FCHSD2: variants seen among roughly 807,000 people sequenced by gnomAD.
The protein encoded by FCHSD2 is FCH and double SH3 domains 2.
In FCHSD2, 38 loss-of-function variants were observed where a neutral mutation model predicts 108.1. The ratio of observed to expected loss-of-function variants is 0.35; its 90% CI spans 0.27 to 0.46. FCHSD2 has a LOEUF of 0.46. Ranked by LOEUF, FCHSD2 falls within the 20% of genes least tolerant of loss-of-function variation. The pLI, the probability that FCHSD2 is intolerant of heterozygous loss-of-function variation, is 1.00. For synonymous variants in FCHSD2, 279 were observed against 314.7 expected, an observed-to-expected ratio of 0.89 and a Z score of 1.20; for missense variants, 751 against 897.8, an observed-to-expected ratio of 0.84 and a Z score of 2.09.
rs754893363 is a variant in FCHSD2, at chr11:72,849,871, T to C, written c.1327A>G (p.Arg443Gly). 1.9e-6 allele frequency: 3 copies of C among 1,613,638 alleles called. No homozygotes were observed. Among genetic ancestry groups the C allele is most frequent in the Middle Eastern group, 1.6e-4 (1 of 6,062 alleles). Residue 443 changes from arginine to glycine, a missense_variant, in exon 14 of 20, where the codon AGA (arginine) becomes GGA (glycine). Coordinates refer to ENST00000409418, the MANE Select transcript of FCHSD2 (RefSeq NM_014824.3). Reference sequence around the variant, plus strand: ...TCTTCAAACTCTTCGCCTTCTTCTCTTTCGGTATCTGCATTAAGCTAAGAA... The same window carrying C: ...TCTTCAAACTCTTCGCCTTCTTCTCCTTCGGTATCTGCATTAAGCTAAGAA... ...TLHSLNADTE[R>G]EEGEEFEDNM... is the part of the protein sequence containing the mutation.
At chr11:73,084,013 GGAT>G (rs963557443) in intron 2 of FCHSD2, among the ~76,000 whole-genome samples, 1 of 151,910 alleles carries the variant, frequency 6.6e-6, no homozygotes, top group Non-Finnish European at 1.5e-5. Context: ...GCTAAAATGG[GGAT>G]AATAACAGTA....
At chr11:72,915,024 A>G (rs1412454826) in intron 9 of FCHSD2, among the ~76,000 whole-genome samples, 1 of 137,742 alleles carries the variant, frequency 7.3e-6, no homozygotes, top group Non-Finnish European at 1.5e-5. Context: ...CCCAGCATCT[A>G]TAAGGAACTT....
At chr11:73,024,108 A>T (rs2135442847) in intron 3 of FCHSD2, among the ~76,000 whole-genome samples, 1 of 152,296 alleles carries the variant, frequency 6.6e-6, no homozygotes, top group Non-Finnish European at 1.5e-5. Context: ...AAGAACTTTG[A>T]CAATACCCAC....
At chr11:72,885,585 T>C (rs1565305658) in intron 12 of FCHSD2, among the ~76,000 whole-genome samples, 1 of 152,134 alleles carries the variant, frequency 6.6e-6, no homozygotes, top group Non-Finnish European at 1.5e-5. Flanking sequence ...CAGTCGGTGA[T>C]ACCATGCATG....
intron 3 of FCHSD2, among the ~76,000 whole-genome samples, chr11:73,034,893 A>C (rs990364737): frequency 3.3e-5 from 5 of 152,306 alleles, no homozygotes; most frequent in Admixed American, 2.6e-4. Flanking sequence ...ACAACTGAAA[A>C]TCCTCTGGGT....
rs191547534 is a variant in FCHSD2 at position 72,974,840 on chromosome 11, A to G, written c.705+9248T>C. On this transcript the variant is annotated intron_variant, in intron 8 of 19. Coordinates refer to ENST00000409418, the MANE Select transcript of FCHSD2 (RefSeq NM_014824.3). ...AAAGGATATAAAGCAAGAGAAGCAG[A>G]GATTTAACAGAATTAAAGCAGAATT... Among the ~76,000 whole-genome samples, 49 of 152,318 alleles carry G rather than the reference A, an allele frequency of 3.2e-4. No homozygotes were observed. The East Asian group carries it at 7.5e-3, about 23-fold the overall frequency.
At chr11:72,980,700 GTATGTATGTATATA>G (rs1857198345) in intron 8 of FCHSD2, among the ~76,000 whole-genome samples, 1 of 146,480 alleles carries the variant, frequency 6.8e-6, no homozygotes, top group Admixed American at 6.8e-5. Flanking sequence ...TATATATAAT[GTATGTATGTATATA>G]TATGTATGTG....
chr11:72,860,945 T>C (rs1861557467), intron 13 of FCHSD2, among the ~76,000 whole-genome samples: 2 of 152,124 alleles, frequency 1.3e-5, no homozygotes, highest in African/African-American at 2.4e-5. Context: ...AATGCCAATA[T>C]TCAAAAAGAA....
intron 10 of FCHSD2, among the ~76,000 whole-genome samples, chr11:72,896,764 T>TAAAAAAAAAA (rs58159831): frequency 1.2e-3 from 80 of 68,374 alleles, no homozygotes; most frequent in Non-Finnish European, 1.6e-3. Context: ...GGGAAAATAC[T>TAAAAAAAAAA]AAAAAAAAAA....
At chr11:72,985,155 C>A (rs1346140510) in intron 6 of FCHSD2, 39 bp from the exon 7 acceptor site, 4 of 558,152 alleles carry the variant, frequency 7.2e-6, no homozygotes, top group Non-Finnish European at 6.1e-6. Flanking sequence ...ATAAAATCAT[C>A]TAATTATATC....
At chr11:72,950,928 G>A (rs1026735359) in intron 8 of FCHSD2, among the ~76,000 whole-genome samples, 7 of 152,166 alleles carry the variant, frequency 4.6e-5, no homozygotes, top group Non-Finnish European at 8.8e-5. Flanking sequence ...CTAATTCAGT[G>A]TGAACAGAAG....
chr11:73,100,109 A>T (rs1860186535), intron 2 of FCHSD2, among the ~76,000 whole-genome samples: 1 of 151,902 alleles, frequency 6.6e-6, no homozygotes, highest in Non-Finnish European at 1.5e-5. Flanking sequence ...CACCCCGCTA[A>T]TCCTCACTGG....
intron 2 of FCHSD2, among the ~76,000 whole-genome samples, chr11:73,102,581 A>C (rs1038551192): frequency 4.6e-5 from 7 of 152,368 alleles, no homozygotes; most frequent in African/African-American, 1.4e-4. Context: ...TTGAAGTTTA[A>C]TTGCCATTAT....
chr11:72,934,110 G>GAAAAAA (rs375464183), intron 8 of FCHSD2, among the ~76,000 whole-genome samples: 6 of 50,886 alleles, frequency 1.2e-4, no homozygotes, highest in African/African-American at 2.5e-4. Flanking sequence ...CACTGTCTCA[G>GAAAAAA]AAAAAAAAAA....
chr11:72,851,314 G>A (rs1409802881), intron 13 of FCHSD2, among the ~76,000 whole-genome samples: 1 of 152,174 alleles, frequency 6.6e-6, no homozygotes, highest in East Asian at 1.9e-4. Flanking sequence ...GTAAGACTAT[G>A]TATTTTAAGA....
At chr11:72,888,603 TTTTC>T (rs974966266) in intron 11 of FCHSD2, among the ~76,000 whole-genome samples, 34 of 152,014 alleles carry the variant, frequency 2.2e-4, no homozygotes, top group South Asian at 6.2e-4. Flanking sequence ...TCGAGATATA[TTTTC>T]TTTCTTTCTT....
intron 17 of FCHSD2, among the ~76,000 whole-genome samples, chr11:72,842,236 G>A (rs1017595712): frequency 1.3e-5 from 2 of 152,210 alleles, no homozygotes; most frequent in Non-Finnish European, 2.9e-5. Flanking sequence ...TAGGCAAGGA[G>A]GCTCTGACAG....
At chr11:73,077,706 A>C (rs993742871) in intron 3 of FCHSD2, 6 of 378,514 alleles carry the variant, frequency 1.6e-5, no homozygotes, top group Non-Finnish European at 3.1e-5. Flanking sequence ...ATACTGATGC[A>C]CACAACAACA....
At chr11:73,064,709 C>T (rs551104942) in intron 3 of FCHSD2, among the ~76,000 whole-genome samples, 42 of 152,052 alleles carry the variant, frequency 2.8e-4, no homozygotes, top group African/African-American at 1.0e-3. Flanking sequence ...CAAACTACCA[C>T]CAGAGAATAC....
Sources: gnomAD v4.1 joint callset for allele counts (sites outside exome capture counted in the v4.1 genomes callset) on GRCh38, gnomAD v4.1.1 for gene constraint, MANE v1.5 for transcripts, NCBI Gene and HGNC (gene_info 2026-07-23, HGNC 2026-07-21) for gene names.